The following RXFP1 variants were observed in gnomAD, a reference collection of about 807,000 sequenced individuals.
RXFP1 encodes relaxin receptor 1.
A neutral mutation model predicts 89.8 loss-of-function variants in RXFP1; 73 were observed. That is an observed-to-expected ratio of 0.81 (90% CI 0.67 to 0.99). RXFP1 has a LOEUF of 0.99. Among genes scored for constraint, RXFP1 ranks in the 50% least tolerant of loss-of-function variants. The pLI, the probability that RXFP1 is intolerant of heterozygous loss-of-function variation, is 0.00. For missense variants in RXFP1, 793 were observed against 895.5 expected, an observed-to-expected ratio of 0.89 and a Z score of 1.46; for synonymous variants, 277 against 305.5, an observed-to-expected ratio of 0.91 and a Z score of 0.97.
chr4:158,626,144 A>ATAGATAGT (rs777186227), intron 9 of RXFP1, among the ~76,000 whole-genome samples: 1,836 of 148,826 alleles, frequency 0.012, 22 homozygotes, highest in Non-Finnish European at 0.02. Flanking sequence ...AGATAGATAG[A>ATAGATAGT]TAGATAGATA....
intron 9 of RXFP1, among the ~76,000 whole-genome samples, chr4:158,626,038 C>T (rs945054229): frequency 1.3e-5 from 2 of 151,762 alleles, no homozygotes; most frequent in African/African-American, 4.8e-5. Context: ...TATGCTTAGA[C>T]CATAAGGAGG....
chr4:158,645,855 T>G (rs773898659), intron 15 of RXFP1, among the ~76,000 whole-genome samples: 3 of 152,102 alleles, frequency 2.0e-5, no homozygotes, highest in Non-Finnish European at 4.4e-5. Flanking sequence ...CAAAGTCTAA[T>G]GTCTAAATGT....
At chr4:158,628,299 C>T (rs1280684041) in intron 10 of RXFP1, among the ~76,000 whole-genome samples, 2 of 152,084 alleles carry the variant, frequency 1.3e-5, no homozygotes, top group Non-Finnish European at 2.9e-5. Context: ...GACAGTCATG[C>T]TATGCAGACT....
chr4:158,609,326 A>G (rs1580030883), intron 6 of RXFP1, among the ~76,000 whole-genome samples: 1 of 150,746 alleles, frequency 6.6e-6, no homozygotes, highest in Non-Finnish European at 1.5e-5. Context: ...CATCCTCACC[A>G]ACGTTTGTGT....
chr4:158,552,516 G>C (rs895520971), intron 1 of RXFP1, among the ~76,000 whole-genome samples: 20 of 151,992 alleles, frequency 1.3e-4, no homozygotes, highest in African/African-American at 4.6e-4. Flanking sequence ...TTAAAAAAAA[G>C]AAAAACATCT....
intron 1 of RXFP1, among the ~76,000 whole-genome samples, chr4:158,553,727 G>A (rs747886766): frequency 7.2e-5 from 11 of 152,064 alleles, no homozygotes; most frequent in Non-Finnish European, 7.4e-5. Context: ...AGGGGGAAAG[G>A]GATTCTAGTT....
intron 2 of RXFP1, among the ~76,000 whole-genome samples, chr4:158,587,410 A>G (rs979255284): frequency 6.6e-6 from 1 of 152,246 alleles, no homozygotes; most frequent in Non-Finnish European, 1.5e-5. Flanking sequence ...GATTTCATAA[A>G]GAAAAATAAT....
chr4:158,593,571 A>G, intron 3 of RXFP1, 72 bp downstream of exon 3: 1 of 775,340 alleles, frequency 1.3e-6, no homozygotes, highest in Non-Finnish European at 2.0e-6. Context: ...TTGATTCAAC[A>G]TTTTAAAAAA....
In RXFP1 at chr4:158,546,210, C is replaced by T. The variant is rs568883734; in HGVS notation, c.49+24185C>T. ...CCTAGGTATTTTATTCTCTTTGAAG[C>T]AATTGTGAATGGGAGTTCATTCATG... On this transcript the variant is annotated intron_variant, in intron 1 of 17. Transcript: ENST00000307765. Among the ~76,000 whole-genome samples, 8 of 152,184 alleles carry T rather than the reference C, an allele frequency of 5.3e-5. No individual in the cohort carries two copies. The South Asian group carries it at 1.7e-3, about 32-fold the overall frequency.
At chr4:158,522,058 T>G (rs767281727) in intron 1 of RXFP1, 33 bp downstream of exon 1, 2 of 1,329,462 alleles carry the variant, frequency 1.5e-6, no homozygotes, top group African/African-American at 2.9e-5. Context: ...TTTGTATACC[T>G]TAGTATTTTG....
Position 158,638,057 on chromosome 4 carries a change from T to C in RXFP1, c.1021T>C (p.Tyr341His), listed in dbSNP as rs1769559303. The C allele has an allele frequency of 6.2e-7, 1 of 1,602,822 alleles. No individual in the cohort carries two copies. Among genetic ancestry groups the C allele is most frequent in the Admixed American group, 1.7e-5 (1 of 59,656 alleles). ...GAAAATTCAAGCAAACCAATTTGATTATCTTGTCAAACTCAAGTCTCTGTA... is the reference window on the plus strand; with the variant it reads ...GAAAATTCAAGCAAACCAATTTGATCATCTTGTCAAACTCAAGTCTCTGTA... Reference protein sequence around the residue: ...IQKIQANQFDYLVKLKSLSLE... With the variant: ...IQKIQANQFDHLVKLKSLSLE... The change falls in exon 13 of 18, where the codon TAT (tyrosine) becomes CAT (histidine). Residue 341 changes from tyrosine (Y) to histidine (H), a missense_variant. Transcript: ENST00000307765.
Position 158,625,481 on chromosome 4 carries a change from C to G in RXFP1, c.756-1339C>G, listed in dbSNP as rs538874084. Among the ~76,000 whole-genome samples the G allele has an allele frequency of 2.6e-5, 4 of 152,186 alleles. No homozygotes were observed. In the East Asian group the frequency reaches 7.7e-4, roughly 29 times the overall value. ...TCGATCAGTCAATCTAATTTTGCAA[C>G]CCAATGCAACATAGAAAACCCCTGA... is the stretch of plus-strand genomic sequence containing the variant. On this transcript the variant is annotated intron_variant, in intron 9 of 17. Coordinates refer to ENST00000307765, the MANE Select transcript of RXFP1 (RefSeq NM_021634.4).
chr4:158,544,002 T>G (rs1290132934), intron 1 of RXFP1: 7 of 985,326 alleles, frequency 7.1e-6, no homozygotes, highest in Non-Finnish European at 8.4e-6. Flanking sequence ...TGCCCCTACC[T>G]TGGGCATTTA....
chr4:158,592,223 C>G (rs1179335752), intron 2 of RXFP1, among the ~76,000 whole-genome samples: 1 of 151,852 alleles, frequency 6.6e-6, no homozygotes, highest in African/African-American at 2.4e-5. Context: ...TGGTGCCTTT[C>G]AAAAAAGAAA....
intron 1 of RXFP1, among the ~76,000 whole-genome samples, chr4:158,539,243 A>G (rs1011900564): frequency 1.3e-5 from 2 of 152,136 alleles, no homozygotes; most frequent in African/African-American, 2.4e-5. Flanking sequence ...AAAAAACCAA[A>G]CACCACGTGT....
At chr4:158,625,752 A>G (rs1425112661) in intron 9 of RXFP1, among the ~76,000 whole-genome samples, 2 of 152,104 alleles carry the variant, frequency 1.3e-5, no homozygotes, top group African/African-American at 4.8e-5. Flanking sequence ...TTCAGATTTT[A>G]ATAGCTGTAT....
At chr4:158,573,554 C>G (rs2150001123) in intron 2 of RXFP1, among the ~76,000 whole-genome samples, 1 of 152,094 alleles carries the variant, frequency 6.6e-6, no homozygotes, top group Middle Eastern at 3.4e-3. Context: ...ATGTGTGGCC[C>G]AAGACAACTC....
intron 1 of RXFP1, among the ~76,000 whole-genome samples, chr4:158,569,827 A>G (rs2149986773): frequency 6.6e-6 from 1 of 152,356 alleles, no homozygotes; most frequent in Non-Finnish European, 1.5e-5. Context: ...GGGTGGGGAT[A>G]AGATTAAAGC....
chr4:158,640,708 G>T (rs1561190627), intron 14 of RXFP1, among the ~76,000 whole-genome samples: 1 of 152,130 alleles, frequency 6.6e-6, no homozygotes, highest in East Asian at 1.9e-4. Context: ...ATTTGGAGTA[G>T]ACAAATATCC....
Sources: gnomAD v4.1 joint callset for allele counts (sites outside exome capture counted in the v4.1 genomes callset) on GRCh38, gnomAD v4.1.1 for gene constraint, MANE v1.5 for transcripts, NCBI Gene and HGNC (gene_info 2026-07-23, HGNC 2026-07-21) for gene names.